Variants in MAP2K4 observed in about 807,000 individuals in gnomAD.
MAP2K4 encodes mitogen-activated protein kinase kinase 4.
Under a neutral mutation model 48.5 loss-of-function variants are expected in MAP2K4, and 4 were observed. That is an observed-to-expected ratio of 0.08 (90% CI 0.04 to 0.19). The LOEUF (loss-of-function observed/expected upper bound fraction) is 0.19. Ranked by LOEUF, MAP2K4 falls within the 10% of genes least tolerant of loss-of-function variation. The pLI, the probability that MAP2K4 is intolerant of heterozygous loss-of-function variation, is 1.00. For synonymous variants in MAP2K4, 166 were observed against 173.1 expected, an observed-to-expected ratio of 0.96 and a Z score of 0.32; for missense variants, 258 against 493.3, an observed-to-expected ratio of 0.52 and a Z score of 4.52.
intron 4 of MAP2K4, among the ~76,000 whole-genome samples, chr17:12,101,162 A>T (rs924481845): frequency 3.3e-5 from 5 of 152,118 alleles, no homozygotes; most frequent in Non-Finnish European, 7.4e-5. Context: ...TCTCTTATGT[A>T]TTCTCCTAGC....
chr17:12,023,007 C>T (rs1969138989), intron 1 of MAP2K4, among the ~76,000 whole-genome samples: 1 of 152,166 alleles, frequency 6.6e-6, no homozygotes, highest in African/African-American at 2.4e-5. Context: ...TTCTCCTCAG[C>T]CCTTGTATGT....
intron 9 of MAP2K4, among the ~76,000 whole-genome samples, chr17:12,132,414 A>G (rs1372324576): frequency 1.3e-5 from 2 of 152,204 alleles, no homozygotes; most frequent in Non-Finnish European, 2.9e-5. Flanking sequence ...CCATTGCTTC[A>G]CTCAGCAACT....
chr17:12,113,040 T>C, intron 6 of MAP2K4, 193 bp from the exon 7 acceptor site: 1 of 458,174 alleles, frequency 2.2e-6, no homozygotes, highest in South Asian at 4.0e-5. Context: ...ATTATAGTTA[T>C]TAAAGCTACA....
At chr17:12,047,088 AT>A (rs942938992) in intron 1 of MAP2K4, among the ~76,000 whole-genome samples, 17 of 150,428 alleles carry the variant, frequency 1.1e-4, no homozygotes, top group Middle Eastern at 3.2e-3. Flanking sequence ...TCTGGGTTAA[AT>A]TTTTTTTTTC....
chr17:12,021,185 G>A (rs1243370810), intron 1 of MAP2K4, 184 bp downstream of exon 1: 2 of 348,808 alleles, frequency 5.7e-6, no homozygotes, highest in East Asian at 4.4e-5. Flanking sequence ...TTGGATCCGG[G>A]CTCCGGCCCG....
intron 3 of MAP2K4, among the ~76,000 whole-genome samples, chr17:12,092,595 C>G (rs1971597311): frequency 6.6e-6 from 1 of 152,182 alleles, no homozygotes; most frequent in Non-Finnish European, 1.5e-5. Context: ...ATTAAAATCA[C>G]TAATTTGAAG....
intron 1 of MAP2K4, among the ~76,000 whole-genome samples, chr17:12,042,975 A>G (rs1461502501): frequency 6.6e-6 from 1 of 151,832 alleles, no homozygotes; most frequent in Non-Finnish European, 1.5e-5. Flanking sequence ...TGAACCCAGG[A>G]AGTGGAGCTT....
Position 12,125,995 on chromosome 17 carries a change from A to G in MAP2K4, c.891+624A>G, listed in dbSNP as rs538669347. ...TCCACAGGTCGTACAGGAGCAGGGG[A>G]GAGAGAGAGTGAAGGGGAAGGTGCC... On this transcript the variant is annotated intron_variant, in intron 8 of 10. Coordinates refer to ENST00000353533, the MANE Select transcript of MAP2K4 (RefSeq NM_003010.4). 2.6e-5 allele frequency among the ~76,000 whole-genome samples: 4 copies of G among 152,160 alleles called. No homozygotes were observed. The East Asian group carries it at 5.8e-4, about 22-fold the overall frequency.
intron 1 of MAP2K4, among the ~76,000 whole-genome samples, chr17:12,037,395 A>C (rs1334994826): frequency 2.0e-5 from 3 of 152,168 alleles, no homozygotes; most frequent in Non-Finnish European, 4.4e-5. Flanking sequence ...GGACTATAGG[A>C]AAACAGGAAA....
At chr17:12,130,200 T>G (rs982382411) in intron 9 of MAP2K4, among the ~76,000 whole-genome samples, 3 of 152,166 alleles carry the variant, frequency 2.0e-5, no homozygotes, top group African/African-American at 7.2e-5. Context: ...ATGAAAAATT[T>G]AAAAATATTT....
chr17:12,026,027 G>A (rs1969240542), intron 1 of MAP2K4, among the ~76,000 whole-genome samples: 1 of 152,042 alleles, frequency 6.6e-6, no homozygotes, highest in Non-Finnish European at 1.5e-5. Context: ...CCTCATACAA[G>A]TTCACCTCAG....
intron 2 of MAP2K4, among the ~76,000 whole-genome samples, chr17:12,069,165 A>T (rs1176243395): frequency 6.6e-6 from 1 of 152,180 alleles, no homozygotes; most frequent in Non-Finnish European, 1.5e-5. Context: ...TAGTAAAGCT[A>T]CCTTGTTGGC....
At chr17:12,122,502 T>C (rs1394882545) in intron 7 of MAP2K4, among the ~76,000 whole-genome samples, 6 of 152,250 alleles carry the variant, frequency 3.9e-5, no homozygotes, top group Admixed American at 2.0e-4. Context: ...TATTTTGCTA[T>C]TATTATATAG....
At chr17:12,117,408 G>GT (rs1972537492) in intron 7 of MAP2K4, among the ~76,000 whole-genome samples, 1 of 150,826 alleles carries the variant, frequency 6.6e-6, no homozygotes, top group South Asian at 2.1e-4. Context: ...TGTTCCCAAG[G>GT]TAAAAAAAAA....
rs200614325 is a variant in MAP2K4, at chr17:12,081,947, C to T, written c.393+417C>T. The T allele has an allele frequency of 3.7e-6, 2 of 534,812 alleles. No homozygotes were observed. Among genetic ancestry groups the T allele is most frequent in the Admixed American group, 1.9e-5 (1 of 51,450 alleles). 33.1% of individuals were successfully genotyped at this position (534,812 alleles called of 1,614,324 possible). ...CTAACAGCAGTCTTACTGAAGGTTT[C>T]CTGGAAACCACGCACATGCTGTTGC... On this transcript the variant is annotated intron_variant, in intron 3 of 10. Coordinates refer to ENST00000353533, the MANE Select transcript of MAP2K4 (RefSeq NM_003010.4). This position sits in a 1 kb window ranked among gnomAD's most constrained non-coding sequence, Gnocchi z 4.2.
At chr17:12,034,670 C>T (rs1271442298) in intron 1 of MAP2K4, among the ~76,000 whole-genome samples, 1 of 152,198 alleles carries the variant, frequency 6.6e-6, no homozygotes, top group Non-Finnish European at 1.5e-5. Flanking sequence ...TAGAGTTGAT[C>T]CTACATTGAT....
At chr17:12,072,589 A>G (rs965716335) in intron 2 of MAP2K4, among the ~76,000 whole-genome samples, 2 of 152,224 alleles carry the variant, frequency 1.3e-5, no homozygotes, top group Non-Finnish European at 2.9e-5. Context: ...TCATGAGTAT[A>G]TGATAAGAAT....
intron 2 of MAP2K4, among the ~76,000 whole-genome samples, chr17:12,065,284 A>ATTATTATT (rs990926926): frequency 7.0e-6 from 1 of 142,786 alleles, no homozygotes; most frequent in East Asian, 2.0e-4. Context: ...TATTATTATT[A>ATTATTATT]TTATTATTGG....
chr17:12,105,968 A>G (rs1455543570), intron 4 of MAP2K4, among the ~76,000 whole-genome samples: 3 of 152,030 alleles, frequency 2.0e-5, no homozygotes, highest in Admixed American at 6.6e-5. Flanking sequence ...TGCTTTGCAT[A>G]TGTTAACTCA....
Sources: allele counts gnomAD v4.1 joint callset (sites outside exome capture counted in the v4.1 genomes callset), GRCh38; gene constraint gnomAD v4.1.1; non-coding constraint Gnocchi (gnomAD v3.1); transcripts MANE v1.5; gene names NCBI Gene and HGNC (gene_info 2026-07-23, HGNC 2026-07-21).